Variants in BMPER observed in about 807,000 individuals in gnomAD.
BMPER encodes the protein BMP binding endothelial regulator.
A neutral mutation model predicts 87.3 loss-of-function variants in BMPER; 45 were observed. That is an observed-to-expected ratio of 0.52 (90% CI 0.41 to 0.66). BMPER has a LOEUF of 0.66. Among genes scored for constraint, BMPER ranks in the 30% least tolerant of loss-of-function variants. The probability of loss-of-function intolerance (pLI) is 0.00; values close to 1 mark genes in which losing one functional copy is unlikely to be tolerated. For synonymous variants in BMPER, 326 were observed against 316.2 expected (o/e 1.03, Z -0.33); for missense variants, 784 against 867.5 (o/e 0.90, Z 1.21).
At chr7:33,972,243 C>T (rs1785568932) in intron 5 of BMPER, among the ~76,000 whole-genome samples, 1 of 152,110 alleles carries the variant, frequency 6.6e-6, no homozygotes, top group Non-Finnish European at 1.5e-5. Flanking sequence ...CAGAGCTGCC[C>T]TCTCCTCATA....
chr7:34,044,416 T>C (rs946318685), intron 6 of BMPER, among the ~76,000 whole-genome samples: 1 of 152,216 alleles, frequency 6.6e-6, no homozygotes, highest in African/African-American at 2.4e-5. Flanking sequence ...GGCCAGTACA[T>C]AGGCAACCTT....
chr7:34,025,404 A>G (rs114736439), intron 6 of BMPER, among the ~76,000 whole-genome samples: 1 of 151,984 alleles, frequency 6.6e-6, no homozygotes, highest in African/African-American at 2.4e-5. Context: ...CTTCAGGCGA[A>G]TGGTGGGTGT....
At chr7:34,056,634 T>TTTTTC (rs1194889400) in intron 9 of BMPER, among the ~76,000 whole-genome samples, 1 of 151,318 alleles carries the variant, frequency 6.6e-6, no homozygotes, top group African/African-American at 2.4e-5. Flanking sequence ...TTTTTTTTTT[T>TTTTTC]TTAGATGGAG....
At chr7:34,092,899 A>G (rs1046462089) in intron 13 of BMPER, among the ~76,000 whole-genome samples, 1 of 152,254 alleles carries the variant, frequency 6.6e-6, no homozygotes, top group Non-Finnish European at 1.5e-5. Flanking sequence ...TTTCTTTAAA[A>G]AGAGAAAATA....
intron 11 of BMPER, among the ~76,000 whole-genome samples, chr7:34,073,873 T>C (rs747225985): frequency 3.9e-5 from 6 of 152,286 alleles, no homozygotes; most frequent in African/African-American, 7.2e-5. Context: ...GAAGCTGGCA[T>C]TGGGCCGGGA....
intron 6 of BMPER, among the ~76,000 whole-genome samples, chr7:34,004,413 T>C (rs920970190): frequency 1.3e-5 from 2 of 152,174 alleles, no homozygotes; most frequent in East Asian, 1.9e-4. Context: ...TTATATTGCT[T>C]ACTTTATGTG....
chr7:34,072,395 C>G (rs1011826359), intron 11 of BMPER, among the ~76,000 whole-genome samples: 1 of 151,734 alleles, frequency 6.6e-6, no homozygotes. Context: ...GAGGTGTCAG[C>G]AGGGCTGTGT....
intron 13 of BMPER, among the ~76,000 whole-genome samples, chr7:34,137,947 C>G (rs1243997867): frequency 6.6e-6 from 1 of 152,124 alleles, no homozygotes; most frequent in Non-Finnish European, 1.5e-5. Context: ...TCTAGGAGGA[C>G]AGAAATGGAT....
intron 13 of BMPER, among the ~76,000 whole-genome samples, chr7:34,123,943 A>G (rs1410244976): frequency 1.3e-5 from 2 of 152,110 alleles, no homozygotes; most frequent in Non-Finnish European, 2.9e-5. Context: ...GTATCTTTTC[A>G]TTTAATTATC....
chr7:33,926,767 CG>C (rs2128606111), intron 2 of BMPER, among the ~76,000 whole-genome samples: 1 of 152,308 alleles, frequency 6.6e-6, no homozygotes, highest in East Asian at 1.9e-4. Flanking sequence ...ATACAGGGGA[CG>C]CTGTCCAAGG....
rs1413511817 is a variant in BMPER, at chr7:33,966,342, A to G, written c.320-137A>G. On this transcript the variant is annotated intron_variant, in intron 3 of 14. Transcript: ENST00000649409. Reference sequence around the variant, plus strand: ...TAGAAGGCTTAGTTGTGTTTTGGGGAAAAATAGCCAAAGAGCATGGTGGTT... The same window carrying G: ...TAGAAGGCTTAGTTGTGTTTTGGGGGAAAATAGCCAAAGAGCATGGTGGTT... 2.1e-5 allele frequency: 15 copies of G among 728,298 alleles called. No homozygotes were observed. In the Admixed American group the frequency reaches 2.5e-4, roughly 12 times the overall value. 45.1% of individuals were successfully genotyped at this position (728,298 alleles called of 1,614,324 possible).
chr7:34,145,295 G>T (rs374562633), intron 14 of BMPER, among the ~76,000 whole-genome samples: 1 of 152,092 alleles, frequency 6.6e-6, no homozygotes, highest in East Asian at 1.9e-4. Flanking sequence ...TTTTTGAAAA[G>T]CACCAGAGCC....
At chr7:33,988,459 AT>A (rs940401282) in intron 6 of BMPER, among the ~76,000 whole-genome samples, 2 of 151,912 alleles carry the variant, frequency 1.3e-5, no homozygotes, top group South Asian at 2.1e-4. Flanking sequence ...TTGTAAGAGA[AT>A]TTTTTTTTCC....
rs186992841 is a variant in BMPER, at chr7:33,920,218, G to A, written c.219+13315G>A. Among the ~76,000 whole-genome samples the A allele has an allele frequency of 1.4e-4, 22 of 152,180 alleles. No homozygotes were observed. The Middle Eastern group carries it at 0.01, about 71-fold the overall frequency. The stretch of plus-strand genomic sequence containing the variant: ...GTCTTCTCTCACACAGTTGTAGGTC[G>A]TTAACAAGTCAGTGGTTAGAATTTT... On this transcript the variant is annotated intron_variant, in intron 2 of 14. Coordinates refer to ENST00000649409, the MANE Select transcript of BMPER (RefSeq NM_001365308.1).
At chr7:34,099,830 G>A (rs563628777) in intron 13 of BMPER, among the ~76,000 whole-genome samples, 5 of 151,996 alleles carry the variant, frequency 3.3e-5, no homozygotes, top group Admixed American at 6.5e-5. Context: ...TCTTGCTTAA[G>A]ATGTTCTCAA....
chr7:33,969,651 A>G (rs891961273), intron 4 of BMPER, among the ~76,000 whole-genome samples: 1 of 152,202 alleles, frequency 6.6e-6, no homozygotes, highest in African/African-American at 2.4e-5. Context: ...CGCCCGCCTC[A>G]GCCTCCCAAA....
At chr7:34,118,822 G>A (rs1161057649) in intron 13 of BMPER, among the ~76,000 whole-genome samples, 1 of 152,072 alleles carries the variant, frequency 6.6e-6, no homozygotes, top group Non-Finnish European at 1.5e-5. Flanking sequence ...CATAGAAAAA[G>A]GCTAACCTCT....
intron 13 of BMPER, among the ~76,000 whole-genome samples, chr7:34,100,074 G>C (rs1789639242): frequency 1.3e-5 from 2 of 152,042 alleles, no homozygotes; most frequent in East Asian, 1.9e-4. Context: ...CTCTTCAACT[G>C]TTATATAAAT....
chr7:34,059,938 G>A (rs1788391711), intron 10 of BMPER, among the ~76,000 whole-genome samples: 1 of 152,090 alleles, frequency 6.6e-6, no homozygotes, highest in Non-Finnish European at 1.5e-5. Context: ...TGCCATTTGT[G>A]AGAAGGGCTA....
Sources: allele counts gnomAD v4.1 joint callset (sites outside exome capture counted in the v4.1 genomes callset), GRCh38; gene constraint gnomAD v4.1.1; transcripts MANE v1.5; gene names NCBI Gene and HGNC (gene_info 2026-07-23, HGNC 2026-07-21).